Variants in SLC38A1 observed in about 807,000 individuals in gnomAD.
SLC38A1 encodes sodium-coupled neutral amino acid symporter 1.
SLC38A1 carries 18 observed loss-of-function variants against 60.3 expected under a neutral mutation model. That is an observed-to-expected ratio of 0.30 (90% confidence interval 0.21 to 0.44). SLC38A1 has a LOEUF of 0.44. Ranked by LOEUF, SLC38A1 falls within the 20% of genes least tolerant of loss-of-function variation. The pLI is 1.00. For synonymous variants in SLC38A1, 196 were observed against 212.1 expected, an observed-to-expected ratio of 0.92 and a Z score of 0.66; for missense variants, 448 against 587.2, an observed-to-expected ratio of 0.76 and a Z score of 2.45.
intron 5 of SLC38A1, among the ~76,000 whole-genome samples, chr12:46,226,294 T>G (rs1167751326): frequency 6.6e-6 from 1 of 151,928 alleles, no homozygotes; most frequent in Non-Finnish European, 1.5e-5. Flanking sequence ...TTTAAATTTT[T>G]CATAATGCAG....
chr12:46,203,087 G>A lies in SLC38A1; in HGVS notation c.825C>T (p.Thr275=), dbSNP rs772665713. 7.4e-6 allele frequency: 12 copies of A among 1,612,582 alleles called. No individual in the cohort carries two copies. The highest frequency in any genetic ancestry group is 1.6e-4 in the Middle Eastern group (1 of 6,078). Residue 275 remains threonine (T), a splice_region_variant and synonymous_variant, in exon 12 of 17, where the codon ACC becomes ACT. Transcript: ENST00000398637. The part of the protein sequence containing the change: ...TPKYVTFNSK[T]VYALPTIAFA... The stretch of plus-strand genomic sequence containing the variant: ...ATGCAATGGTGGGTAAAGCATACAC[G>A]GTCTATTTGAGAGAAAAGAATAGAC...
intron 13 of SLC38A1, among the ~76,000 whole-genome samples, chr12:46,199,307 TTGTGTGTGTGTGTGTGTGTGTG>T (rs71067986): frequency 0.18 from 22,059 of 125,280 alleles, 2,000 homozygotes; most frequent in Admixed American, 0.26. Flanking sequence ...ATGTACTACT[TTGTGTGTGTGTGTGTGTGTGTG>T]TGTGTGTGTG....
At chr12:46,195,471 T>C (rs1001064281) in intron 16 of SLC38A1, among the ~76,000 whole-genome samples, 17 of 152,148 alleles carry the variant, frequency 1.1e-4, no homozygotes, top group Non-Finnish European at 2.2e-4. Flanking sequence ...ATTGCTCTCT[T>C]TAGAGCCATC....
intron 1 of SLC38A1, among the ~76,000 whole-genome samples, chr12:46,254,002 A>G (rs1286045812): frequency 1.3e-5 from 2 of 152,262 alleles, no homozygotes; most frequent in Non-Finnish European, 2.9e-5. Context: ...CAATTTAAGA[A>G]AACATTGAGT....
intron 5 of SLC38A1, among the ~76,000 whole-genome samples, chr12:46,216,351 C>T (rs947441962): frequency 6.6e-6 from 1 of 152,152 alleles, no homozygotes; most frequent in African/African-American, 2.4e-5. Flanking sequence ...TTAGTGTCGC[C>T]GTGTCTGTGT....
At chr12:46,244,206 A>G (rs1480885753) in intron 1 of SLC38A1, among the ~76,000 whole-genome samples, 1 of 152,244 alleles carries the variant, frequency 6.6e-6, no homozygotes, top group Non-Finnish European at 1.5e-5. Context: ...GGAGAAATCA[A>G]TGAGGCCAGG....
rs1018724444 is a variant in SLC38A1, at chr12:46,207,710, C to A, written c.389-89G>T. ...GATTTTGTCATTCTATTGACTGTTC[C>A]CCAAGTTACTATGTGCCTTTCTCAA... On this transcript the variant is annotated intron_variant, in intron 6 of 16. Coordinates refer to ENST00000398637, the MANE Select transcript of SLC38A1 (RefSeq NM_030674.4). 6 of 1,262,424 alleles carry A rather than the reference C, an allele frequency of 4.8e-6. No individual in the cohort carries two copies. In the African/African-American group the frequency reaches 8.8e-5, roughly 19 times the overall value. The allele number at this position is 1,262,424 out of a possible 1,614,324, so 78.2% of individuals were successfully genotyped here.
chr12:46,230,025 C>T (rs1433527495), intron 3 of SLC38A1, among the ~76,000 whole-genome samples: 2 of 152,120 alleles, frequency 1.3e-5, no homozygotes, highest in African/African-American at 4.8e-5. Flanking sequence ...ACACTATATG[C>T]AACATAAATT....
intron 1 of SLC38A1, among the ~76,000 whole-genome samples, chr12:46,262,716 G>A (rs994377315): frequency 3.3e-5 from 5 of 152,082 alleles, no homozygotes; most frequent in African/African-American, 1.2e-4. Context: ...GAAATAATAA[G>A]AACTTTAAAG....
At chr12:46,257,317 A>G (rs1202594696) in intron 1 of SLC38A1, among the ~76,000 whole-genome samples, 3 of 152,154 alleles carry the variant, frequency 2.0e-5, no homozygotes, top group African/African-American at 7.2e-5. Flanking sequence ...TATGAGAAGG[A>G]CTTTACTGAG....
chr12:46,200,125 C>G (rs551353237), intron 13 of SLC38A1, among the ~76,000 whole-genome samples: 2 of 152,276 alleles, frequency 1.3e-5, no homozygotes, highest in African/African-American at 4.8e-5. Flanking sequence ...TCTCCCTGTA[C>G]AACTCTGTAT....
At chr12:46,241,260 A>G (rs760943782) in intron 2 of SLC38A1, among the ~76,000 whole-genome samples, 13 of 152,210 alleles carry the variant, frequency 8.5e-5, no homozygotes, top group Non-Finnish European at 1.9e-4. Context: ...TCAAACCTCA[A>G]TGCGCCCAAC....
intron 1 of SLC38A1, among the ~76,000 whole-genome samples, chr12:46,245,413 T>C (rs1219423777): frequency 6.6e-6 from 1 of 152,182 alleles, no homozygotes; most frequent in African/African-American, 2.4e-5. Context: ...TGCAATGAGC[T>C]ATCACCTCAC....
chr12:46,230,437 A>G (rs1237208628), intron 3 of SLC38A1, among the ~76,000 whole-genome samples: 1 of 152,232 alleles, frequency 6.6e-6, no homozygotes, highest in Non-Finnish European at 1.5e-5. Flanking sequence ...TGAGGGCCTG[A>G]GCATGCTACC....
chr12:46,229,567 C>T lies in SLC38A1; in HGVS notation c.195G>A (p.Glu65=), dbSNP rs2137927068. The change falls in exon 4 of 17, where the codon GAG becomes GAA. Residue 65 remains glutamate, a synonymous_variant. Coordinates refer to ENST00000398637, the MANE Select transcript of SLC38A1 (RefSeq NM_030674.4). ...NSHLEKKKCD[E]YIPGTTSLGM... is the part of the protein sequence containing the mutation. ...ACTTCATTATAATGATACTTACATA[C>T]TCATCACACTTCTTTTTTTCCAAAT... 6.2e-7 allele frequency: 1 copy of T among 1,605,294 alleles called. No homozygotes were observed. The highest frequency in any genetic ancestry group is 8.5e-7 in the Non-Finnish European group (1 of 1,172,284).
At chr12:46,250,411 C>T (rs1282276237) in intron 1 of SLC38A1, among the ~76,000 whole-genome samples, 2 of 152,146 alleles carry the variant, frequency 1.3e-5, no homozygotes, top group Admixed American at 6.5e-5. Context: ...GGAAGCATTC[C>T]CTTTGAAAAC....
At chr12:46,256,650 G>GAGAGAGAGAGAGAA in intron 1 of SLC38A1, among the ~76,000 whole-genome samples, 1 of 150,864 alleles carries the variant, frequency 6.6e-6, no homozygotes, top group South Asian at 2.1e-4. Context: ...GAGAGAGAGA[G>GAGAGAGAGAGAGAA]AGAGAGAGAG....
Position 46,262,396 on chromosome 12 carries a change from G to T in SLC38A1, c.-209+6130C>A, listed in dbSNP as rs74082091. On this transcript the variant is annotated intron_variant, in intron 1 of 16. Coordinates refer to ENST00000398637, the MANE Select transcript of SLC38A1 (RefSeq NM_030674.4). Reference sequence around the variant, plus strand: ...TACATTTAAAAAAAAAACACCAAAAGAATTGAATCTTAATTAATTAGAACA... The same window carrying T: ...TACATTTAAAAAAAAAACACCAAAATAATTGAATCTTAATTAATTAGAACA... Among the ~76,000 whole-genome samples the T allele has an allele frequency of 9.9e-3, 1,495 of 151,290 alleles. 17 individuals carry two copies. Among genetic ancestry groups the T allele is most frequent in the African/African-American group, 0.034 (1,419 of 41,160 alleles).
chr12:46,199,763 C>G (rs1361082914), intron 13 of SLC38A1, among the ~76,000 whole-genome samples: 1 of 152,114 alleles, frequency 6.6e-6, no homozygotes, highest in Non-Finnish European at 1.5e-5. Context: ...GAACTGCTCA[C>G]TCTTTTGACA....
Sources: allele counts gnomAD v4.1 joint callset (sites outside exome capture counted in the v4.1 genomes callset), GRCh38; gene constraint gnomAD v4.1.1; transcripts MANE v1.5; gene names NCBI Gene and HGNC (gene_info 2026-07-23, HGNC 2026-07-21).